RPS6KA2: variants seen among roughly 807,000 people sequenced by gnomAD.
RPS6KA2 encodes ribosomal protein S6 kinase A2.
Under a neutral mutation model 91.8 loss-of-function variants are expected in RPS6KA2, and 42 were observed. That is an observed-to-expected ratio of 0.46 (90% CI 0.36 to 0.59). RPS6KA2 has a LOEUF of 0.59. Ranked by LOEUF, RPS6KA2 falls within the 20% of genes least tolerant of loss-of-function variation. The probability of loss-of-function intolerance (pLI) is 0.00; values close to 1 mark genes in which losing one functional copy is unlikely to be tolerated. For synonymous variants in RPS6KA2, 414 were observed against 393.6 expected, an observed-to-expected ratio of 1.05 and a Z score of -0.61; for missense variants, 798 against 978.5, an observed-to-expected ratio of 0.82 and a Z score of 2.46.
At chr6:166,634,727 G>A (rs1787181516) in intron 2 of RPS6KA2, among the ~76,000 whole-genome samples, 1 of 152,162 alleles carries the variant, frequency 6.6e-6, no homozygotes. Flanking sequence ...TGTGATTGTT[G>A]AGTCGCTGGG....
At chr6:166,774,448 C>A (rs972851601) in intron 2 of RPS6KA2, among the ~76,000 whole-genome samples, 11 of 152,138 alleles carry the variant, frequency 7.2e-5, no homozygotes, top group Non-Finnish European at 1.5e-4. Context: ...GCGAGCGTCC[C>A]GGCGTTGGTT....
chr6:166,552,853 T>C (rs1784062020), intron 1 of RPS6KA2, among the ~76,000 whole-genome samples: 12 of 152,252 alleles, frequency 7.9e-5, no homozygotes. Context: ...ATAGCAGGGA[T>C]GGGCCGATAA....
At chr6:166,598,307 G>A (rs1785611856) in intron 1 of RPS6KA2, among the ~76,000 whole-genome samples, 1 of 152,110 alleles carries the variant, frequency 6.6e-6, no homozygotes, top group African/African-American at 2.4e-5. Context: ...GGTGTGGAAG[G>A]AATCCCTCCA....
intron 2 of RPS6KA2, among the ~76,000 whole-genome samples, chr6:166,660,181 A>G (rs980155554): frequency 6.6e-6 from 1 of 152,220 alleles, no homozygotes; most frequent in Non-Finnish European, 1.5e-5. Context: ...CATAAATTAG[A>G]TGGATACATG....
At chr6:166,719,726 A>G (rs991582707) in intron 2 of RPS6KA2, among the ~76,000 whole-genome samples, 7 of 152,236 alleles carry the variant, frequency 4.6e-5, no homozygotes, top group South Asian at 4.1e-4. Flanking sequence ...GGGATAGTCA[A>G]TCTCACTAGT....
rs534388984 is a variant in RPS6KA2, at chr6:166,794,448, G to A, written c.123+63752C>T. Among the ~76,000 whole-genome samples the A allele has an allele frequency of 3.7e-3, 567 of 151,908 alleles. 2 individuals carry two copies. Among genetic ancestry groups the A allele is most frequent in the African/African-American group, 0.013 (550 of 41,516 alleles). ...CAACCATTGTGGAAGTCAGTGTGGCGATTCCTCAGGGATCTAGAACTAGGA... is the reference window on the plus strand; with the variant it reads ...CAACCATTGTGGAAGTCAGTGTGGCAATTCCTCAGGGATCTAGAACTAGGA... On this transcript the variant is annotated intron_variant, in intron 2 of 21. Transcript: ENST00000503859.
intron 1 of RPS6KA2, 139 bp from the exon 2 acceptor site, chr6:166,538,923 T>C (rs978197542): frequency 2.3e-4 from 120 of 528,866 alleles, no homozygotes; most frequent in Middle Eastern, 2.1e-3. Flanking sequence ...GGAGACACCA[T>C]TTAGTTGTGT....
chr6:166,548,925 C>T (rs1036376453), intron 1 of RPS6KA2, among the ~76,000 whole-genome samples: 28 of 152,142 alleles, frequency 1.8e-4, no homozygotes, highest in African/African-American at 6.3e-4. Context: ...AATGTTTAAA[C>T]CACACATCCA....
intron 2 of RPS6KA2, among the ~76,000 whole-genome samples, chr6:166,832,286 A>G (rs1174847546): frequency 6.6e-6 from 1 of 152,152 alleles, no homozygotes; most frequent in African/African-American, 2.4e-5. Flanking sequence ...GGATTTGGAC[A>G]CATTGGCTGT....
At position 166,413,816 on chromosome 6, in the gene RPS6KA2, C is replaced by T. The variant is rs747341069; in HGVS notation, c.2054G>A (p.Arg685Gln). The change falls in exon 20 of 21, where the codon CGA becomes CAA. Residue 685 changes from arginine (R) to glutamine (Q), a missense_variant. Arg to Gln is a conservative substitution (Grantham distance 43, BLOSUM62 1). Transcript: ENST00000265678. Reference protein sequence around the residue: ...REYLSPNQLSRQDVHLVKGAM... With the variant: ...REYLSPNQLSQQDVHLVKGAM... ...TACCTTCACCAGGTGCACGTCCTGT[C>T]GGCTGAGCTGGTTTGGGGACAGGTA... 10 of 1,614,060 alleles carry T rather than the reference C, an allele frequency of 6.2e-6. No homozygotes were observed. The highest frequency in any genetic ancestry group is 3.3e-5 in the Admixed American group (2 of 60,010).
intron 2 of RPS6KA2, among the ~76,000 whole-genome samples, chr6:166,764,867 T>A (rs2128604599): frequency 6.6e-6 from 1 of 152,340 alleles, no homozygotes; most frequent in African/African-American, 2.4e-5. Flanking sequence ...ACAACGTGTG[T>A]GTGTTCACAC....
At chr6:166,550,994 CAAA>C (rs58796308) in intron 1 of RPS6KA2, among the ~76,000 whole-genome samples, 4,948 of 106,390 alleles carry the variant, frequency 0.047, 356 homozygotes, top group African/African-American at 0.14. Flanking sequence ...GACTCTATCT[CAAA>C]AAAAAAAAAA....
intron 2 of RPS6KA2, among the ~76,000 whole-genome samples, chr6:166,689,729 A>G (rs1441575182): frequency 6.6e-6 from 1 of 152,224 alleles, no homozygotes. Flanking sequence ...TTTCATAGGC[A>G]AAAGTTTGGT....
At chr6:166,760,433 G>A (rs1242394150) in intron 2 of RPS6KA2, among the ~76,000 whole-genome samples, 1 of 152,188 alleles carries the variant, frequency 6.6e-6, no homozygotes, top group Non-Finnish European at 1.5e-5. Context: ...ACTCACCAAA[G>A]CGATCTACTG....
chr6:166,829,273 A>G (rs771488354), intron 2 of RPS6KA2, among the ~76,000 whole-genome samples: 10 of 152,180 alleles, frequency 6.6e-5, no homozygotes, highest in Non-Finnish European at 1.3e-4. Flanking sequence ...GGAAAACAGG[A>G]CGGTGGTTCC....
chr6:166,625,555 CAAG>C (rs1041596049), intron 1 of RPS6KA2, among the ~76,000 whole-genome samples: 7 of 151,934 alleles, frequency 4.6e-5, no homozygotes, highest in Non-Finnish European at 8.8e-5. Context: ...TGGAAGGAGA[CAAG>C]GAGTTGTCTA....
chr6:166,764,903 G>C (rs1300431337), intron 2 of RPS6KA2, among the ~76,000 whole-genome samples: 1 of 152,224 alleles, frequency 6.6e-6, no homozygotes, highest in Non-Finnish European at 1.5e-5. Context: ...CACATATGCA[G>C]GAACGACAAA....
At chr6:166,610,353 G>A (rs565574270) in intron 1 of RPS6KA2, among the ~76,000 whole-genome samples, 8 of 152,290 alleles carry the variant, frequency 5.3e-5, no homozygotes, top group Admixed American at 3.9e-4. Flanking sequence ...AGCAGGAAGC[G>A]CAGCAGGAAA....
intron 2 of RPS6KA2, among the ~76,000 whole-genome samples, chr6:166,791,706 A>G (rs1099640): frequency 0.76 from 115,342 of 150,950 alleles, 44,399 homozygotes; most frequent in Non-Finnish European, 0.8. Flanking sequence ...TCAGGATTAA[A>G]AAACTCACTC....
Sources: allele counts gnomAD v4.1 joint callset (sites outside exome capture counted in the v4.1 genomes callset), GRCh38; gene constraint gnomAD v4.1.1; transcripts MANE v1.5; gene names NCBI Gene and HGNC (gene_info 2026-07-23, HGNC 2026-07-21).